The following MAPK10 variants were observed in gnomAD, a reference collection of about 807,000 sequenced individuals.
MAPK10 encodes the protein JNK3 alpha protein kinase.
A neutral mutation model predicts 59.3 loss-of-function variants in MAPK10; 25 were observed. That is an observed-to-expected ratio of 0.42 (90% confidence interval 0.31 to 0.59). The LOEUF is 0.59. MAPK10 is among the 20% of genes least tolerant of loss of function. The probability of loss-of-function intolerance (pLI) is 0.15; values close to 1 mark genes in which losing one functional copy is unlikely to be tolerated. For synonymous variants in MAPK10, 190 were observed against 200.5 expected, an observed-to-expected ratio of 0.95 and a Z score of 0.44; for missense variants, 351 against 568.9, an observed-to-expected ratio of 0.62 and a Z score of 3.90.
At chr4:86,094,640 A>T (rs942346279) in intron 9 of MAPK10, among the ~76,000 whole-genome samples, 2 of 151,934 alleles carry the variant, frequency 1.3e-5, no homozygotes. Context: ...GGAGTCTTTG[A>T]TAATCAACAA....
chr4:86,488,311 C>T (rs1299156286), intron 1 of MAPK10, among the ~76,000 whole-genome samples: 1 of 152,110 alleles, frequency 6.6e-6, no homozygotes, highest in African/African-American at 2.4e-5. Flanking sequence ...AAGATGTCCC[C>T]GGTTTTTCAC....
chr4:86,350,355 C>T (rs1216057656), intron 2 of MAPK10, among the ~76,000 whole-genome samples: 6 of 152,176 alleles, frequency 3.9e-5, no homozygotes, highest in Admixed American at 3.9e-4. Context: ...GCTGGGACTA[C>T]AGGAACCCGC....
chr4:86,378,645 T>TAA (rs1740190855), intron 1 of MAPK10, among the ~76,000 whole-genome samples: 1 of 152,194 alleles, frequency 6.6e-6, no homozygotes, highest in East Asian at 1.9e-4. Flanking sequence ...GGTGAATGAT[T>TAA]GAATGCAACA....
chr4:86,043,817 A>C (rs999830486), intron 11 of MAPK10, among the ~76,000 whole-genome samples: 6 of 152,132 alleles, frequency 3.9e-5, no homozygotes, highest in African/African-American at 1.4e-4. Flanking sequence ...CCATTCGTAG[A>C]AAGTGGATTT....
chr4:86,090,295 C>T (rs976662936), intron 9 of MAPK10: 3 of 152,088 alleles, frequency 2.0e-5, no homozygotes, highest in African/African-American at 7.2e-5. Context: ...TATAATTTTG[C>T]TCCACTTACT....
chr4:86,329,574 C>T (rs553085084), intron 2 of MAPK10, among the ~76,000 whole-genome samples: 2 of 152,220 alleles, frequency 1.3e-5, no homozygotes, highest in South Asian at 4.2e-4. Context: ...TGGTCCAAGC[C>T]AGCAGCAACG....
At chr4:86,108,221 T>A (rs12650286) in intron 4 of MAPK10, among the ~76,000 whole-genome samples, 35,493 of 151,988 alleles carry the variant, frequency 0.23, 5,067 homozygotes, top group African/African-American at 0.41. Flanking sequence ...TTGAAAAAGC[T>A]ATCTAAATAT....
intron 4 of MAPK10, among the ~76,000 whole-genome samples, chr4:86,151,065 A>G (rs1414558564): frequency 6.6e-6 from 1 of 152,178 alleles, no homozygotes; most frequent in African/African-American, 2.4e-5. Context: ...AGCATCAGTC[A>G]ATGCAAGACA....
intron 2 of MAPK10, among the ~76,000 whole-genome samples, chr4:86,262,633 G>A (rs2094045227): frequency 6.6e-6 from 1 of 152,048 alleles, no homozygotes; most frequent in South Asian, 2.1e-4. Context: ...ATGTTTTGTT[G>A]AATAAATTAA....
chr4:86,506,532 A>C (rs139288609), intron 1 of MAPK10, among the ~76,000 whole-genome samples: 2 of 152,230 alleles, frequency 1.3e-5, no homozygotes, highest in Non-Finnish European at 2.9e-5. Context: ...AAAAGATAGC[A>C]CTTAGTTTGT....
intron 2 of MAPK10, among the ~76,000 whole-genome samples, chr4:86,291,276 T>C (rs890631645): frequency 5.9e-5 from 9 of 152,246 alleles, no homozygotes; most frequent in Non-Finnish European, 1.0e-4. Context: ...TCTTATGGAA[T>C]TCAATCTAGC....
intron 2 of MAPK10, among the ~76,000 whole-genome samples, chr4:86,286,941 T>A (rs369258232): frequency 1.3e-5 from 2 of 152,196 alleles, no homozygotes; most frequent in South Asian, 2.1e-4. Flanking sequence ...TGTTTGAGCC[T>A]GTTTGGGAAA....
intron 9 of MAPK10, among the ~76,000 whole-genome samples, chr4:86,084,031 TC>T (rs1485624873): frequency 5.9e-5 from 9 of 152,110 alleles, no homozygotes; most frequent in African/African-American, 2.2e-4. Flanking sequence ...GAGTCCTTGG[TC>T]CCTGAATAAC....
chr4:86,260,122 T>C (rs12507513), intron 2 of MAPK10, among the ~76,000 whole-genome samples: 2,916 of 152,160 alleles, frequency 0.019, 45 homozygotes, highest in South Asian at 0.065. Context: ...ACTATCATTT[T>C]CCCCAGTTTC....
intron 2 of MAPK10, among the ~76,000 whole-genome samples, chr4:86,289,643 T>C (rs575270702): frequency 6.7e-6 from 1 of 149,868 alleles, no homozygotes; most frequent in Admixed American, 6.7e-5. Context: ...TATATTAATA[T>C]TATATGTATG....
intron 1 of MAPK10, among the ~76,000 whole-genome samples, chr4:86,393,348 T>A (rs1742487187): frequency 6.6e-6 from 1 of 151,768 alleles, no homozygotes; most frequent in South Asian, 2.1e-4. Context: ...TTTTTTTTTT[T>A]AAGGAAAATA....
intron 1 of MAPK10, among the ~76,000 whole-genome samples, chr4:86,559,934 T>C (rs1332553342): frequency 7.9e-6 from 1 of 127,136 alleles, no homozygotes; most frequent in Non-Finnish European, 1.7e-5. Flanking sequence ...CAAGACTTTG[T>C]CTCAAAAAAA....
At chr4:86,281,466 C>T in intron 2 of MAPK10, among the ~76,000 whole-genome samples, 1 of 151,684 alleles carries the variant, frequency 6.6e-6, no homozygotes, top group Middle Eastern at 3.4e-3. Flanking sequence ...ACGTTCACTG[C>T]ACTCTAGACT....
At position 86,038,542 on chromosome 4, in the gene MAPK10, T is replaced by C. The variant is rs149479416; in HGVS notation, c.1111-7111A>G. Among the ~76,000 whole-genome samples the C allele has an allele frequency of 4.2e-4, 54 of 129,892 alleles. 1 individual carries two copies. The East Asian group carries it at 0.011, about 25-fold the overall frequency. The allele number at this position is 129,892 out of a possible 152,430, so 85.2% of individuals were successfully genotyped here. ...TTATATTTCCTTGAATCTCTACACA[T>C]AGAGTTTTCTAATTTTTTTTTTCTT... On this transcript the variant is annotated intron_variant, in intron 11 of 13. Coordinates refer to ENST00000641462, the MANE Select transcript of MAPK10 (RefSeq NM_138982.4).
Sources: gnomAD v4.1 joint callset for allele counts (sites outside exome capture counted in the v4.1 genomes callset) on GRCh38, gnomAD v4.1.1 for gene constraint, MANE v1.5 for transcripts, NCBI Gene and HGNC (gene_info 2026-07-23, HGNC 2026-07-21) for gene names.